Variants in UMAD1 observed in about 807,000 individuals in gnomAD.
UMAD1 encodes UBAP1-MVB12-associated (UMA) domain containing 1, also known as UBAP1-MVB12-associated (UMA)-domain containing protein 1.
Under a neutral mutation model 6.1 loss-of-function variants are expected in UMAD1, and 8 were observed. The ratio of observed to expected loss-of-function variants is 1.30; its 90% CI spans 0.76 to 2.35. The LOEUF is 2.35. Ranked by LOEUF, UMAD1 falls within the 30% of genes most tolerant of loss-of-function variation. The probability of loss-of-function intolerance (pLI) is 0.00; values close to 1 mark genes in which losing one functional copy is unlikely to be tolerated. For synonymous variants in UMAD1, 56 were observed against 31.4 expected, an observed-to-expected ratio of 1.78 and a Z score of -2.61; for missense variants, 130 against 78.4, an observed-to-expected ratio of 1.66 and a Z score of -2.49.
intron 2 of UMAD1, among the ~76,000 whole-genome samples, chr7:7,774,605 C>G (rs564077222): frequency 5.4e-4 from 82 of 152,260 alleles, no homozygotes; most frequent in Middle Eastern, 3.4e-3. Context: ...TCTTGACAAC[C>G]AAGGAAAGAG....
intron 2 of UMAD1, among the ~76,000 whole-genome samples, chr7:7,751,161 C>G (rs1416351433): frequency 6.6e-6 from 1 of 152,194 alleles, no homozygotes; most frequent in Non-Finnish European, 1.5e-5. Context: ...AGTTACATTA[C>G]TTCAGATTAT....
At chr7:7,735,479 C>T (rs184236055) in intron 2 of UMAD1, among the ~76,000 whole-genome samples, 148 of 151,628 alleles carry the variant, frequency 9.8e-4, no homozygotes, top group African/African-American at 2.4e-3. Context: ...ACGTGATCTC[C>T]GCTCACTGCA....
chr7:7,769,420 T>G (rs954883635), intron 2 of UMAD1, among the ~76,000 whole-genome samples: 1 of 152,116 alleles, frequency 6.6e-6, no homozygotes, highest in Admixed American at 6.5e-5. Flanking sequence ...TTAAACATGA[T>G]GGGGTGGAGG....
intron 3 of UMAD1, among the ~76,000 whole-genome samples, chr7:7,811,169 AT>A (rs1335871075): frequency 1.1e-4 from 16 of 152,166 alleles, no homozygotes; most frequent in Non-Finnish European, 4.4e-5. Flanking sequence ...GAGACTCCTA[AT>A]TTAAAGATAT....
At chr7:7,695,513 C>T (rs2115144651) in intron 2 of UMAD1, among the ~76,000 whole-genome samples, 1 of 152,250 alleles carries the variant, frequency 6.6e-6, no homozygotes, top group Non-Finnish European at 1.5e-5. Flanking sequence ...TTGTTACTTT[C>T]AGGCATAGAA....
chr7:7,745,421 A>G (rs185286985), intron 2 of UMAD1, among the ~76,000 whole-genome samples: 1 of 152,294 alleles, frequency 6.6e-6, no homozygotes, highest in African/African-American at 2.4e-5. Context: ...GGGTGTGCCT[A>G]TCATTGATAA....
chr7:7,771,037 G>C (rs1016245026), intron 2 of UMAD1, among the ~76,000 whole-genome samples: 3 of 152,054 alleles, frequency 2.0e-5, no homozygotes, highest in African/African-American at 4.8e-5. Flanking sequence ...TGGAGGAAGA[G>C]GACCCTGTAA....
chr7:7,691,382 A>C (rs1046069030), intron 2 of UMAD1, among the ~76,000 whole-genome samples: 1 of 152,226 alleles, frequency 6.6e-6, no homozygotes, highest in Non-Finnish European at 1.5e-5. Context: ...CCAAACATTA[A>C]TAGCAATTTA....
At chr7:7,818,587 C>G (rs1783177618) in intron 3 of UMAD1, among the ~76,000 whole-genome samples, 1 of 152,080 alleles carries the variant, frequency 6.6e-6, no homozygotes, top group African/African-American at 2.4e-5. Context: ...TTAGTTCAAC[C>G]ATTGTGAAAG....
intron 3 of UMAD1, 76 bp from the exon 4 acceptor site, chr7:7,877,205 G>C: frequency 1.5e-6 from 1 of 657,180 alleles, no homozygotes; most frequent in Non-Finnish European, 2.8e-6. Context: ...TCATTTTGAT[G>C]TATTAATGCC....
intron 2 of UMAD1, among the ~76,000 whole-genome samples, chr7:7,759,247 G>A (rs1781839016): frequency 6.6e-6 from 1 of 152,128 alleles, no homozygotes; most frequent in Non-Finnish European, 1.5e-5. Flanking sequence ...CAGGACACAG[G>A]ACACTAAACC....
intron 1 of UMAD1, among the ~76,000 whole-genome samples, chr7:7,646,480 A>AT (rs35948027): frequency 0.2 from 22,165 of 110,832 alleles, 2,159 homozygotes; most frequent in Admixed American, 0.24. Flanking sequence ...CTTTCGCTGG[A>AT]TTTTTTTTTT....
chr7:7,693,387 C>A lies in UMAD1; in HGVS notation c.82+19934C>A, dbSNP rs114030533. Reference sequence around the variant, plus strand: ...AATGTATAATATAGGAAAATCTCATCTGAAACTTTCCCTTCATTCTGCAAT... The same window carrying A: ...AATGTATAATATAGGAAAATCTCATATGAAACTTTCCCTTCATTCTGCAAT... On this transcript the variant is annotated intron_variant, in intron 2 of 3. Transcript: ENST00000682710. Among the ~76,000 whole-genome samples, 753 of 152,100 alleles carry A rather than the reference C, an allele frequency of 5.0e-3. 7 individuals are homozygous for A. Among genetic ancestry groups the A allele is most frequent in the African/African-American group, 0.017 (719 of 41,484 alleles).
At chr7:7,734,310 A>T (rs894829700) in intron 2 of UMAD1, among the ~76,000 whole-genome samples, 1 of 152,132 alleles carries the variant, frequency 6.6e-6, no homozygotes, top group Admixed American at 6.5e-5. Flanking sequence ...ATCTTCTCTT[A>T]GTTCCCAGAA....
intron 3 of UMAD1, among the ~76,000 whole-genome samples, chr7:7,853,105 T>C (rs908848790): frequency 1.6e-4 from 24 of 152,228 alleles, no homozygotes; most frequent in African/African-American, 5.5e-4. Context: ...GTGGGAGTTA[T>C]GAGCCAGAAA....
intron 3 of UMAD1, among the ~76,000 whole-genome samples, chr7:7,860,797 AAAAT>A (rs201852949): frequency 0.47 from 70,300 of 149,826 alleles, 17,952 homozygotes; most frequent in African/African-American, 0.62. Flanking sequence ...AATAACAAAA[AAAAT>A]AATAATAATA....
intron 3 of UMAD1, among the ~76,000 whole-genome samples, chr7:7,841,252 G>A (rs1374343624): frequency 2.0e-5 from 3 of 151,968 alleles, no homozygotes; most frequent in Non-Finnish European, 4.4e-5. Flanking sequence ...GACTCCCGAA[G>A]ATGTGGTTCC....
chr7:7,677,664 GTTTT>G (rs141602455), intron 2 of UMAD1, among the ~76,000 whole-genome samples: 4 of 113,496 alleles, frequency 3.5e-5, no homozygotes, highest in Non-Finnish European at 5.2e-5. Context: ...CTGTTTTTTT[GTTTT>G]TTTTTTTTTT....
intron 2 of UMAD1, among the ~76,000 whole-genome samples, chr7:7,783,046 G>C (rs1400387842): frequency 6.6e-6 from 1 of 152,122 alleles, no homozygotes; most frequent in Non-Finnish European, 1.5e-5. Flanking sequence ...TGTATAATCT[G>C]TTATGTGGAC....
Sources: gnomAD v4.1 joint callset for allele counts (sites outside exome capture counted in the v4.1 genomes callset) on GRCh38, gnomAD v4.1.1 for gene constraint, MANE v1.5 for transcripts, NCBI Gene and HGNC (gene_info 2026-07-23, HGNC 2026-07-21) for gene names.